Variants in FAM83F observed in about 807,000 individuals in gnomAD.
FAM83F encodes the protein scaffolding CK1 anchoring protein F, also known as protein FAM83F.
FAM83F carries 45 observed loss-of-function variants against 42.9 expected under a neutral mutation model. The ratio of observed to expected loss-of-function variants is 1.05; its 90% CI spans 0.83 to 1.35. FAM83F has a LOEUF of 1.35. Ranked by LOEUF, FAM83F falls within the 40% of genes most tolerant of loss-of-function variation. The pLI is 0.00. For synonymous variants in FAM83F, 306 were observed against 298.3 expected, an observed-to-expected ratio of 1.03 and a Z score of -0.27; for missense variants, 617 against 695.9, an observed-to-expected ratio of 0.89 and a Z score of 1.28.
chr22:40,001,996 G>T (rs1242656854), intron 1 of FAM83F, among the ~76,000 whole-genome samples: 1 of 152,210 alleles, frequency 6.6e-6, no homozygotes, highest in African/African-American at 2.4e-5. Context: ...TTGATTTGGT[G>T]GTGGTGGGCC....
chr22:40,009,615 G>A (rs558700082), intron 1 of FAM83F: 12 of 153,198 alleles, frequency 7.8e-5, no homozygotes, highest in South Asian at 4.1e-4. Context: ...TTCAGTGACT[G>A]ATGGGATTTG....
At chr22:40,001,734 G>A (rs975519997) in intron 1 of FAM83F, among the ~76,000 whole-genome samples, 1 of 152,174 alleles carries the variant, frequency 6.6e-6, no homozygotes, top group South Asian at 2.1e-4. Flanking sequence ...GAGGATACTG[G>A]AAAGTATCAT....
intron 1 of FAM83F, chr22:40,009,965 C>T (rs1175065056): frequency 6.6e-6 from 1 of 152,264 alleles, no homozygotes; most frequent in Non-Finnish European, 1.5e-5. Context: ...GCCGCCCAGG[C>T]AGGATGTCAG....
At position 40,034,644 on chromosome 22, in the gene FAM83F, A is replaced by G. The variant is rs2067610961; in HGVS notation, c.*5079A>G. 1 of 152,238 alleles carries G rather than the reference A, an allele frequency of 6.6e-6. No individual in the cohort carries two copies. Among genetic ancestry groups the G allele is most frequent in the Non-Finnish European group, 1.5e-5 (1 of 68,036 alleles). 9.4% of individuals were successfully genotyped at this position (152,238 alleles called of 1,614,324 possible). ...CCTCACCTGCCTGGCTCAGCTCTGC[A>G]GCCACAATATATGCTTAATACCTAT... On this transcript the variant is annotated 3_prime_UTR_variant, in exon 5 of 5. Transcript: ENST00000333407.
rs758780178 is a variant in FAM83F at position 40,029,841 on chromosome 22, C to T, written c.*276C>T. ...AGTGGAAGCTTGACCAGTGTCTGCT[C>T]GCCTTTGTGCCCCACCCCCTCCGCT... is the stretch of plus-strand genomic sequence containing the variant. On this transcript the variant is annotated 3_prime_UTR_variant, in exon 5 of 5. Transcript: ENST00000333407. 61 of 412,888 alleles carry T rather than the reference C, an allele frequency of 1.5e-4. No homozygotes were observed. The Middle Eastern group carries it at 4.2e-3, about 28-fold the overall frequency. 25.6% of individuals were successfully genotyped at this position (412,888 alleles called of 1,614,324 possible).
chr22:39,997,358 T>A (rs2145705368), intron 1 of FAM83F, among the ~76,000 whole-genome samples: 1 of 152,364 alleles, frequency 6.6e-6, no homozygotes, highest in Admixed American at 6.5e-5. Context: ...CAGGACTCTT[T>A]CCTGCATAGT....
chr22:40,014,904 G>A (rs937741119), intron 1 of FAM83F, among the ~76,000 whole-genome samples: 3 of 152,170 alleles, frequency 2.0e-5, no homozygotes, highest in African/African-American at 7.2e-5. Context: ...TTCCTCAATT[G>A]TAAAGTGGGA....
At chr22:40,008,585 C>T (rs1417523895) in intron 1 of FAM83F, among the ~76,000 whole-genome samples, 2 of 152,226 alleles carry the variant, frequency 1.3e-5, no homozygotes, top group East Asian at 1.9e-4. Flanking sequence ...CAGCAGCCTT[C>T]ACTCAAAGTG....
intron 1 of FAM83F, among the ~76,000 whole-genome samples, chr22:40,003,585 C>G (rs2067412600): frequency 6.6e-6 from 1 of 152,030 alleles, no homozygotes; most frequent in Non-Finnish European, 1.5e-5. Context: ...CTGAGTCATT[C>G]TAGCTATCCC....
Position 40,036,499 on chromosome 22 carries a change from G to A in FAM83F, c.*6934G>A, listed in dbSNP as rs1219080824. ...CAACCTTTCTGGATTGATAGTTTGT[G>A]GTGAAATAAACAATTTTAGTTTGTT... On this transcript the variant is annotated 3_prime_UTR_variant, in exon 5 of 5. Coordinates refer to ENST00000333407, the MANE Select transcript of FAM83F (RefSeq NM_138435.4). 6.6e-6 allele frequency: 1 copy of A among 152,088 alleles called. No individual in the cohort carries two copies. The highest frequency in any genetic ancestry group is 2.4e-5 in the African/African-American group (1 of 41,400). The allele number at this position is 152,088 out of a possible 1,614,324, so 9.4% of individuals were successfully genotyped here.
Position 39,995,676 on chromosome 22 carries a change from C to A in FAM83F, c.489+145C>A. The A allele has an allele frequency of 7.5e-7, 1 of 1,330,570 alleles. No homozygotes were observed. Among genetic ancestry groups the A allele is most frequent in the Non-Finnish European group, 1.0e-6 (1 of 1,003,940 alleles). 82.4% of individuals were successfully genotyped at this position (1,330,570 alleles called of 1,614,324 possible). On this transcript the variant is annotated intron_variant, in intron 1 of 4. Transcript: ENST00000333407. The surrounding 1 kb of genome is among the most constrained non-coding windows in gnomAD (Gnocchi z 4.6). ...CCCAACCCGCCCCTACTTCCTGGGGCTGCAGTGAGGCCTGTAGAGCGAATG... is the reference window on the plus strand; with the variant it reads ...CCCAACCCGCCCCTACTTCCTGGGGATGCAGTGAGGCCTGTAGAGCGAATG...
Position 40,021,826 on chromosome 22 carries a change from G to C in FAM83F, c.1316G>C (p.Ser439Thr). Residue 439 changes from serine to threonine, a missense_variant, in exon 4 of 5, where the codon AGC becomes ACC. Transcript: ENST00000333407. This position sits in a 1 kb window ranked among gnomAD's most constrained non-coding sequence, Gnocchi z 8.7. ...RGEAAPARRF[S>T]SRLFSRRAKR... ...GAGGCCGCCCCCGCCAGGCGCTTCA[G>C]CAGCAGGCTCTTCAGTCGCCGAGCC... 1.2e-6 allele frequency: 2 copies of C among 1,612,690 alleles called. No individual in the cohort carries two copies. The highest frequency in any genetic ancestry group is 1.7e-6 in the Non-Finnish European group (2 of 1,179,730).
rs934088726 is a variant in FAM83F at position 39,995,560 on chromosome 22, C to A, written c.489+29C>A. The A allele has an allele frequency of 3.9e-6, 6 of 1,519,944 alleles. No homozygotes were observed. Among genetic ancestry groups the A allele is most frequent in the Non-Finnish European group, 5.3e-6 (6 of 1,127,286 alleles). The allele number at this position is 1,519,944 out of a possible 1,614,324, so 94.2% of individuals were successfully genotyped here. ...GGCCCCCGCCTTCGCCCCCACACCG[C>A]TGGGACCTCGGCCCCAGTCCCCTGG... On this transcript the variant is annotated intron_variant, in intron 1 of 4. Coordinates refer to ENST00000333407, the MANE Select transcript of FAM83F (RefSeq NM_138435.4). This position sits in a 1 kb window ranked among gnomAD's most constrained non-coding sequence, Gnocchi z 4.6.
At position 40,041,175 on chromosome 22, in the gene FAM83F, G is replaced by C. The variant is rs1176765457; in HGVS notation, c.*11610G>C. The C allele has an allele frequency of 6.6e-6, 1 of 152,170 alleles. No individual in the cohort carries two copies. The highest frequency in any genetic ancestry group is 2.1e-4 in the South Asian group (1 of 4,828). 9.4% of individuals were successfully genotyped at this position (152,170 alleles called of 1,614,324 possible). A position where few individuals can be genotyped will look rare whatever the true frequency, so the allele number is the denominator to read the frequency against. The stretch of plus-strand genomic sequence containing the variant: ...CCTCCAGCAAAAAGCCAACTGTATA[G>C]AACACCACATATAGAGCGCTAAGAA... On this transcript the variant is annotated 3_prime_UTR_variant, in exon 5 of 5. Transcript: ENST00000333407.
At position 39,995,164 on chromosome 22, in the gene FAM83F, G is replaced by A. The variant is rs941002016; in HGVS notation, c.122G>A (p.Gly41Asp). 4.3e-6 allele frequency: 6 copies of A among 1,400,704 alleles called. No homozygotes were observed. In the East Asian group the frequency reaches 8.7e-5, roughly 20 times the overall value. 86.8% of individuals were successfully genotyped at this position (1,400,704 alleles called of 1,614,324 possible). ...RRAALEALLG[G>D]GEQAYRERLK... ...GCCGCGCTGGAGGCGCTGCTGGGCGGCGGCGAGCAGGCCTACCGCGAGCGG... is the reference window on the plus strand; with the variant it reads ...GCCGCGCTGGAGGCGCTGCTGGGCGACGGCGAGCAGGCCTACCGCGAGCGG... The change falls in exon 1 of 5, where the codon GGC (glycine) becomes GAC (aspartate). Residue 41 changes from glycine (G) to aspartate (D), a missense_variant. By Grantham distance (94) the Gly-to-Asp change is moderately conservative. Coordinates refer to ENST00000333407, the MANE Select transcript of FAM83F (RefSeq NM_138435.4). The surrounding 1 kb of genome is among the most constrained non-coding windows in gnomAD (Gnocchi z 4.6).
intron 1 of FAM83F, among the ~76,000 whole-genome samples, chr22:40,004,982 C>T (rs2067420497): frequency 6.6e-6 from 1 of 152,216 alleles, no homozygotes; most frequent in Admixed American, 6.5e-5. Flanking sequence ...ACTGGAGGCC[C>T]AGGACACGTG....
In FAM83F at chr22:40,029,570, C is replaced by T. The variant is rs569320852; in HGVS notation, c.*5C>T. 1.8e-5 allele frequency: 29 copies of T among 1,611,204 alleles called. No homozygotes were observed. Among genetic ancestry groups the T allele is most frequent in the Middle Eastern group, 3.3e-4 (2 of 6,060 alleles). ...AGCAACTGTGTGATTTCCTGAGCTG[C>T]GGGATGGTGGTGGGCAGGACGTGTG... On this transcript the variant is annotated 3_prime_UTR_variant, in exon 5 of 5. Coordinates refer to ENST00000333407, the MANE Select transcript of FAM83F (RefSeq NM_138435.4).
At chr22:40,015,926 C>T (rs2067490155) in intron 1 of FAM83F, among the ~76,000 whole-genome samples, 4 of 152,168 alleles carry the variant, frequency 2.6e-5, no homozygotes, top group Admixed American at 1.3e-4. Flanking sequence ...CTGTGGGGCT[C>T]AGGAAGAATT....
At chr22:40,003,696 A>G (rs1442128658) in intron 1 of FAM83F, among the ~76,000 whole-genome samples, 1 of 152,150 alleles carries the variant, frequency 6.6e-6, no homozygotes, top group Non-Finnish European at 1.5e-5. Context: ...CTCTGAAATC[A>G]GAGTCTGTGG....
Sources: allele counts gnomAD v4.1 joint callset (sites outside exome capture counted in the v4.1 genomes callset), GRCh38; gene constraint gnomAD v4.1.1; non-coding constraint Gnocchi (gnomAD v3.1); transcripts MANE v1.5; gene names NCBI Gene and HGNC (gene_info 2026-07-23, HGNC 2026-07-21).